The following HRK variants were observed in gnomAD, a reference collection of about 807,000 sequenced individuals.
HRK encodes activator of apoptosis harakiri.
Under a neutral mutation model 5.9 loss-of-function variants are expected in HRK, and 6 were observed. The ratio of observed to expected loss-of-function variants is 1.02; its 90% CI spans 0.56 to 2.01. The LOEUF (loss-of-function observed/expected upper bound fraction) is 2.01. Among genes scored for constraint, HRK ranks in the 30% most tolerant of loss-of-function variants. The pLI is 0.00. For synonymous variants in HRK, 85 were observed against 65.1 expected (o/e 1.31, Z -1.47); for missense variants, 133 against 128.3 (o/e 1.04, Z -0.18).
rs1878165252 is a variant in HRK at position 116,856,743 on chromosome 12, G to A, written c.*4780C>T. 6.6e-6 allele frequency: 1 copy of A among 152,248 alleles called. No homozygotes were observed. The highest frequency in any genetic ancestry group is 2.4e-5 in the African/African-American group (1 of 41,456). 9.4% of individuals were successfully genotyped at this position (152,248 alleles called of 1,614,324 possible). On this transcript the variant is annotated 3_prime_UTR_variant, in exon 2 of 2. Coordinates refer to ENST00000257572, the MANE Select transcript of HRK (RefSeq NM_003806.4). This position sits in a 1 kb window ranked among gnomAD's most constrained non-coding sequence, Gnocchi z 4.4. ...GTGGAGCAGAGCAGTCAGCTCACGAGCGTGGGGGTCCCATGGACTCGAGTC... is the reference window on the plus strand; with the variant it reads ...GTGGAGCAGAGCAGTCAGCTCACGAACGTGGGGGTCCCATGGACTCGAGTC...
chr12:116,880,382 C>G (rs1054717721), intron 1 of HRK, among the ~76,000 whole-genome samples: 1 of 152,224 alleles, frequency 6.6e-6, no homozygotes, highest in South Asian at 2.1e-4. Context: ...ATTGCAAATG[C>G]GCGGAGCTTG....
Position 116,881,035 on chromosome 12 carries a change from C to A in HRK, c.273G>T (p.Leu91Phe). 1.5e-6 allele frequency: 2 copies of A among 1,348,578 alleles called. No individual in the cohort carries two copies. The highest frequency in any genetic ancestry group is 3.2e-5 in the Admixed American group (1 of 30,922). The allele number at this position is 1,348,578 out of a possible 1,614,324, so 83.5% of individuals were successfully genotyped here. ...LAAWLLGRRN[L>F] The stretch of plus-strand genomic sequence containing the variant: ...CCCACCAAGAAGCCCCGCGTTCCTA[C>A]AAGTTCCGCCTGCCGAGCAGCCAGG... Residue 91 changes from leucine to phenylalanine, a missense_variant, in exon 1 of 2, where the codon TTG (leucine) becomes TTT (phenylalanine). Coordinates refer to ENST00000257572, the MANE Select transcript of HRK (RefSeq NM_003806.4).
intron 1 of HRK, among the ~76,000 whole-genome samples, chr12:116,863,117 A>G (rs1290459695): frequency 6.6e-6 from 1 of 152,216 alleles, no homozygotes; most frequent in Non-Finnish European, 1.5e-5. Context: ...CAGGTGGCAT[A>G]TGAACGAGCA....
rs1403958766 is a variant in HRK, at chr12:116,860,932, C to T, written c.*591G>A. The T allele has an allele frequency of 1.3e-5, 2 of 152,070 alleles. No homozygotes were observed. Among genetic ancestry groups the T allele is most frequent in the African/African-American group, 4.8e-5 (2 of 41,392 alleles). 9.4% of individuals were successfully genotyped at this position (152,070 alleles called of 1,614,324 possible). On this transcript the variant is annotated 3_prime_UTR_variant, in exon 2 of 2. Coordinates refer to ENST00000257572, the MANE Select transcript of HRK (RefSeq NM_003806.4). ...GTAAGTACAGAGGGAGAGGCTAGGA[C>T]GAGTCAAGAAATGGAGGCATCCCAG...
chr12:116,869,151 T>C (rs1406078764), intron 1 of HRK, among the ~76,000 whole-genome samples: 1 of 152,038 alleles, frequency 6.6e-6, no homozygotes, highest in Non-Finnish European at 1.5e-5. Context: ...TTTTTGTACA[T>C]ATTTTTTTAA....
At position 116,859,838 on chromosome 12, in the gene HRK, T is replaced by A. The variant is rs2137241056; in HGVS notation, c.*1685A>T. ...AGGTTGTACATTCTAAAGGACCTGG[T>A]CATTTACAGCAAAGCCTATGGAGGG... On this transcript the variant is annotated 3_prime_UTR_variant, in exon 2 of 2. Transcript: ENST00000257572. 1 of 152,320 alleles carries A rather than the reference T, an allele frequency of 6.6e-6. No homozygotes were observed. Among genetic ancestry groups the A allele is most frequent in the East Asian group, 1.9e-4 (1 of 5,188 alleles). The allele number at this position is 152,320 out of a possible 1,614,324, so 9.4% of individuals were successfully genotyped here.
At chr12:116,873,805 G>A (rs1200864068) in intron 1 of HRK, among the ~76,000 whole-genome samples, 2 of 152,198 alleles carry the variant, frequency 1.3e-5, no homozygotes, top group Non-Finnish European at 2.9e-5. Context: ...GGATAAGCCA[G>A]TTGCCTCCCC....
chr12:116,880,261 C>T (rs1879095977), intron 1 of HRK, among the ~76,000 whole-genome samples: 1 of 152,214 alleles, frequency 6.6e-6, no homozygotes, highest in African/African-American at 2.4e-5. Context: ...CAGCCCACTC[C>T]GAGGGCGTCT....
At chr12:116,870,994 C>T (rs1356287793) in intron 1 of HRK, among the ~76,000 whole-genome samples, 1 of 152,252 alleles carries the variant, frequency 6.6e-6, no homozygotes, top group African/African-American at 2.4e-5. Context: ...TCTCGGCTCA[C>T]TGCAACCTCT....
chr12:116,858,527 C>G lies in HRK; in HGVS notation c.*2996G>C, dbSNP rs1878239887. ...AAAGTCTCTTCATCTCATTATGCAG[C>G]AAGCTACCTAAACGATGATCTCAGA... On this transcript the variant is annotated 3_prime_UTR_variant, in exon 2 of 2. Transcript: ENST00000257572. 1 of 144,032 alleles carries G rather than the reference C, an allele frequency of 6.9e-6. No homozygotes were observed. Among genetic ancestry groups the G allele is most frequent in the South Asian group, 2.4e-4 (1 of 4,152 alleles). The allele number at this position is 144,032 out of a possible 1,614,324, so 8.9% of individuals were successfully genotyped here.
chr12:116,874,704 T>C (rs1878871977), intron 1 of HRK, among the ~76,000 whole-genome samples: 2 of 152,150 alleles, frequency 1.3e-5, no homozygotes, highest in Non-Finnish European at 2.9e-5. Context: ...TTCCACCTAG[T>C]TCCCTGGGGT....
At chr12:116,865,320 A>ATTCTG (rs1461927842) in intron 1 of HRK, among the ~76,000 whole-genome samples, 1 of 152,014 alleles carries the variant, frequency 6.6e-6, no homozygotes, top group Non-Finnish European at 1.5e-5. Context: ...GGAGGCCAGA[A>ATTCTG]GTTCGAGACC....
At chr12:116,875,542 T>C (rs1297375578) in intron 1 of HRK, among the ~76,000 whole-genome samples, 5 of 152,122 alleles carry the variant, frequency 3.3e-5, no homozygotes. Context: ...TTTCTTTTTT[T>C]ATTTTTTATT....
intron 1 of HRK, among the ~76,000 whole-genome samples, chr12:116,875,133 T>C (rs1013061603): frequency 6.6e-6 from 1 of 152,186 alleles, no homozygotes; most frequent in African/African-American, 2.4e-5. Flanking sequence ...TTGTATTGGG[T>C]ATTATAAGTA....
In HRK at chr12:116,881,150, C is replaced by CCG; in HGVS notation, c.157_158insCG (p.Arg53ProfsTer62). On this transcript the variant is annotated frameshift_variant, in exon 1 of 2. Transcript: ENST00000257572. LOFTEE classifies it high-confidence loss of function. ...CGCCGGCGCCCTCCGGCTCCGCGCGCGGCGCCGCCACATGGTGCGCTGGTG... is the reference window on the plus strand; with the variant it reads ...CGCCGGCGCCCTCCGGCTCCGCGCGCCGGGCGCCGCCACATGGTGCGCTGGTG... The CCG allele has an allele frequency of 8.4e-7, 1 of 1,184,942 alleles. No homozygotes were observed. 73.4% of individuals were successfully genotyped at this position (1,184,942 alleles called of 1,614,324 possible).
chr12:116,861,526 T>A (rs1008434802), intron 1 of HRK, 60 bp from the exon 2 acceptor site: 1 of 152,088 alleles, frequency 6.6e-6, no homozygotes, highest in African/African-American at 2.4e-5. Context: ...GTGACGTCAG[T>A]GCAGTGGGCC....
At position 116,860,367 on chromosome 12, in the gene HRK, C is replaced by T. The variant is rs1878315306; in HGVS notation, c.*1156G>A. 1 of 152,168 alleles carries T rather than the reference C, an allele frequency of 6.6e-6. No homozygotes were observed. Among genetic ancestry groups the T allele is most frequent in the African/African-American group, 2.4e-5 (1 of 41,442 alleles). The allele number at this position is 152,168 out of a possible 1,614,324, so 9.4% of individuals were successfully genotyped here. On this transcript the variant is annotated 3_prime_UTR_variant, in exon 2 of 2. Transcript: ENST00000257572. Reference sequence around the variant, plus strand: ...CAATCAGTGAGATGCTGGTGCATTTCATTTAAATGGCCCACTCCCTCCCAC... The same window carrying T: ...CAATCAGTGAGATGCTGGTGCATTTTATTTAAATGGCCCACTCCCTCCCAC...
In HRK at chr12:116,880,954, T is replaced by C. The variant is rs574356922; in HGVS notation, c.*56+22A>G. 603 of 1,131,870 alleles carry C rather than the reference T, an allele frequency of 5.3e-4. 4 individuals are homozygous for C. The African/African-American group carries it at 8.6e-3, about 16-fold the overall frequency. The allele number at this position is 1,131,870 out of a possible 1,614,324, so 70.1% of individuals were successfully genotyped here. On this transcript the variant is annotated intron_variant, in intron 1 of 1. Transcript: ENST00000257572. ...CAGTGCCCAGCTGCCGCGCCCCGGC[T>C]CTCGCTCGCTCGCTCGCGTACCTGT...
At chr12:116,871,508 TG>T (rs1878747070) in intron 1 of HRK, among the ~76,000 whole-genome samples, 2 of 151,440 alleles carry the variant, frequency 1.3e-5, no homozygotes, top group Non-Finnish European at 2.9e-5. Flanking sequence ...TTCACCATGT[TG>T]GTCAGGCTGG....
Sources: gnomAD v4.1 joint callset for allele counts (sites outside exome capture counted in the v4.1 genomes callset) on GRCh38, gnomAD v4.1.1 for gene constraint, Gnocchi (gnomAD v3.1) non-coding constraint, MANE v1.5 for transcripts, NCBI Gene and HGNC (gene_info 2026-07-23, HGNC 2026-07-21) for gene names.